Variants in ZNF521 observed in about 807,000 individuals in gnomAD.
The protein encoded by ZNF521 is LYST-interacting protein 3.
In ZNF521, 14 loss-of-function variants were observed where a neutral mutation model predicts 105.5. The ratio of observed to expected loss-of-function variants is 0.13; its 90% CI spans 0.09 to 0.21. The LOEUF (loss-of-function observed/expected upper bound fraction) is 0.21. ZNF521 is among the 10% of genes least tolerant of loss of function. ZNF521 has a pLI of 1.00. For missense variants in ZNF521, 1,233 were observed against 1,629.7 expected (o/e 0.76, Z 4.19); for synonymous variants, 635 against 606.0 (o/e 1.05, Z -0.70).
At chr18:25,157,634 A>C (rs1259980269) in intron 5 of ZNF521, among the ~76,000 whole-genome samples, 1 of 152,238 alleles carries the variant, frequency 6.6e-6, no homozygotes, top group East Asian at 1.9e-4. Flanking sequence ...AGGCATATAA[A>C]GAATATAAAG....
At position 25,146,537 on chromosome 18, in the gene ZNF521, C is replaced by A. The variant is rs559843917; in HGVS notation, c.3658+48623G>T. On this transcript the variant is annotated intron_variant, in intron 5 of 7. Coordinates refer to ENST00000361524, the MANE Select transcript of ZNF521 (RefSeq NM_015461.3). ...ATCTTTTATGCCATGACATTGGTTT[C>A]TCTGAAAAAAGGCTACTCCACTATC... Among the ~76,000 whole-genome samples, 7 of 152,216 alleles carry A rather than the reference C, an allele frequency of 4.6e-5. 1 individual carries two copies. The highest frequency in any genetic ancestry group is 1.7e-4 in the African/African-American group (7 of 41,556).
chr18:25,341,958 C>A (rs973962824), intron 2 of ZNF521, among the ~76,000 whole-genome samples: 1 of 152,066 alleles, frequency 6.6e-6, no homozygotes, highest in Non-Finnish European at 1.5e-5. Flanking sequence ...AAAACAAAAA[C>A]CCCCAGAACT....
intron 2 of ZNF521, among the ~76,000 whole-genome samples, chr18:25,339,220 T>C (rs929901170): frequency 6.6e-6 from 1 of 152,242 alleles, no homozygotes; most frequent in East Asian, 1.9e-4. Flanking sequence ...TATGTCTTCA[T>C]AGACTGTTAG....
rs531946617 is a variant in ZNF521 at position 25,312,617 on chromosome 18, C to G, written c.220+9391G>C. 3.1e-3 allele frequency among the ~76,000 whole-genome samples: 331 copies of G among 105,332 alleles called. 95 individuals are homozygous for G. Among genetic ancestry groups the G allele is most frequent in the African/African-American group, 0.012 (322 of 27,948 alleles). 69.1% of individuals were successfully genotyped at this position (105,332 alleles called of 152,430 possible). A position where few individuals can be genotyped will look rare whatever the true frequency, so the allele number is the denominator to read the frequency against. On this transcript the variant is annotated intron_variant, in intron 3 of 7. Coordinates refer to ENST00000361524, the MANE Select transcript of ZNF521 (RefSeq NM_015461.3). ...CATGAGGTCAGGAGATCGAGACCAT[C>G]CTGGCTAACAAGGTGAAACCCCGTC...
At chr18:25,332,112 A>AC (rs1913608507) in intron 2 of ZNF521, among the ~76,000 whole-genome samples, 1 of 151,748 alleles carries the variant, frequency 6.6e-6, no homozygotes, top group Non-Finnish European at 1.5e-5. Context: ...TGGCTGTCAA[A>AC]CTGGGAATCA....
intron 5 of ZNF521, among the ~76,000 whole-genome samples, chr18:25,143,178 T>G (rs779591916): frequency 2.7e-4 from 41 of 152,188 alleles, no homozygotes; most frequent in Non-Finnish European, 4.9e-4. Flanking sequence ...TTTAGCATTT[T>G]GAACATAGTA....
intron 5 of ZNF521, among the ~76,000 whole-genome samples, chr18:25,152,245 G>A (rs1032085191): frequency 1.4e-4 from 22 of 152,236 alleles, no homozygotes; most frequent in African/African-American, 5.3e-4. Flanking sequence ...TTGGGAGGCC[G>A]AGGCGGGTGG....
At chr18:25,178,220 C>A (rs571305490) in intron 5 of ZNF521, among the ~76,000 whole-genome samples, 1 of 152,262 alleles carries the variant, frequency 6.6e-6, no homozygotes, top group African/African-American at 2.4e-5. Flanking sequence ...ATACAGATAC[C>A]TACAGAAAGA....
chr18:25,323,886 C>A (rs938283798), intron 2 of ZNF521, among the ~76,000 whole-genome samples: 6 of 151,722 alleles, frequency 4.0e-5, no homozygotes, highest in Non-Finnish European at 8.8e-5. Flanking sequence ...CCAAAATCAA[C>A]TTATATCACC....
chr18:25,123,992 T>C (rs1302222939), intron 5 of ZNF521, among the ~76,000 whole-genome samples: 5 of 152,180 alleles, frequency 3.3e-5, no homozygotes, highest in African/African-American at 1.2e-4. Context: ...TGTAGAGATA[T>C]ACTTGCGGGA....
At chr18:25,285,698 TCACACACACACACA>T (rs66794523) in intron 3 of ZNF521, among the ~76,000 whole-genome samples, 3 of 146,992 alleles carry the variant, frequency 2.0e-5, no homozygotes, top group Non-Finnish European at 3.0e-5. Flanking sequence ...TCTCTCTCTC[TCACACACACACACA>T]CACACACACA....
At chr18:25,232,333 G>A (rs1472879488) in intron 3 of ZNF521, among the ~76,000 whole-genome samples, 1 of 152,078 alleles carries the variant, frequency 6.6e-6, no homozygotes, top group Non-Finnish European at 1.5e-5. Flanking sequence ...ATGTTTCTAG[G>A]GCACCTTATC....
At chr18:25,170,596 CAT>C (rs943804734) in intron 5 of ZNF521, among the ~76,000 whole-genome samples, 1 of 152,254 alleles carries the variant, frequency 6.6e-6, no homozygotes, top group African/African-American at 2.4e-5. Context: ...AAGCTTAACA[CAT>C]GAGTTGTTAA....
intron 5 of ZNF521, among the ~76,000 whole-genome samples, chr18:25,181,343 A>T (rs2035628386): frequency 2.0e-5 from 3 of 152,236 alleles, no homozygotes; most frequent in African/African-American, 7.2e-5. Flanking sequence ...GATAGAACTC[A>T]GTATTAGTGC....
chr18:25,317,600 C>T (rs573642232), intron 3 of ZNF521, among the ~76,000 whole-genome samples: 2 of 152,258 alleles, frequency 1.3e-5, no homozygotes, highest in South Asian at 4.1e-4. Flanking sequence ...ATGTCTTTAT[C>T]CTAATGTTAG....
chr18:25,317,657 T>C (rs1912714450), intron 3 of ZNF521, among the ~76,000 whole-genome samples: 1 of 152,206 alleles, frequency 6.6e-6, no homozygotes, highest in Admixed American at 6.5e-5. Context: ...CCAGTTATTC[T>C]ACTGAAAATG....
chr18:25,062,406 C>A lies in ZNF521; in HGVS notation c.*306G>T. 3.0e-6 allele frequency: 1 copy of A among 331,920 alleles called. No homozygotes were observed. The highest frequency in any genetic ancestry group is 5.3e-6 in the Non-Finnish European group (1 of 187,308). The allele number at this position is 331,920 out of a possible 1,614,324, so 20.6% of individuals were successfully genotyped here. A position where few individuals can be genotyped will look rare whatever the true frequency, so the allele number is the denominator to read the frequency against. On this transcript the variant is annotated 3_prime_UTR_variant, in exon 8 of 8. Coordinates refer to ENST00000361524, the MANE Select transcript of ZNF521 (RefSeq NM_015461.3). ...TTCCTTAAAAATACTTTATCTTAAG[C>A]CATTTTGGTCATAGTCTTTTTTTTT...
chr18:25,175,986 A>T (rs903311344), intron 5 of ZNF521, among the ~76,000 whole-genome samples: 13 of 152,222 alleles, frequency 8.5e-5, no homozygotes, highest in African/African-American at 2.7e-4. Context: ...TGCCTTACAC[A>T]CAATACAGCT....
At chr18:25,180,013 T>C (rs1600125461) in intron 5 of ZNF521, among the ~76,000 whole-genome samples, 1 of 152,374 alleles carries the variant, frequency 6.6e-6, no homozygotes, top group East Asian at 1.9e-4. Flanking sequence ...TTTTAAAGTT[T>C]ACTATATAAC....
Sources: allele counts gnomAD v4.1 joint callset (sites outside exome capture counted in the v4.1 genomes callset), GRCh38; gene constraint gnomAD v4.1.1; transcripts MANE v1.5; gene names NCBI Gene and HGNC (gene_info 2026-07-23, HGNC 2026-07-21).